The following TRPV1 variants were observed in gnomAD, a reference collection of about 807,000 sequenced individuals.
TRPV1 encodes the protein transient receptor potential cation channel subfamily V member 1.
Under a neutral mutation model 82.3 loss-of-function variants are expected in TRPV1, and 82 were observed. The observed-to-expected ratio is 1.00, with a 90% confidence interval of 0.83 to 1.20. The LOEUF is 1.20. Ranked by LOEUF, TRPV1 falls within the 50% of genes most tolerant of loss-of-function variation. The pLI is 0.00. For synonymous variants in TRPV1, 515 were observed against 467.7 expected (o/e 1.10, Z -1.30); for missense variants, 1,067 against 1,096.8 (o/e 0.97, Z 0.38).
At chr17:3,605,785 G>C (rs1483480129) in intron 2 of TRPV1, among the ~76,000 whole-genome samples, 1 of 152,014 alleles carries the variant, frequency 6.6e-6, no homozygotes, top group Non-Finnish European at 1.5e-5. Context: ...ATTCAACGGG[G>C]GGCAGTCTCT....
chr17:3,578,100 C>T (rs879612627), intron 11 of TRPV1: 12 of 184,818 alleles, frequency 6.5e-5, no homozygotes, highest in Non-Finnish European at 1.2e-4. Context: ...GTCAGGAGTT[C>T]GAGGCCAGCC....
Position 3,572,939 on chromosome 17 carries a change from T to C in TRPV1, c.2104-690A>G, listed in dbSNP as rs967236055. 9.5e-5 allele frequency among the ~76,000 whole-genome samples: 12 copies of C among 126,052 alleles called. 1 individual carries two copies. The highest frequency in any genetic ancestry group is 3.7e-4 in the African/African-American group (12 of 32,338). 82.7% of individuals were successfully genotyped at this position (126,052 alleles called of 152,430 possible). On this transcript the variant is annotated intron_variant, in intron 14 of 16. Coordinates refer to ENST00000572705, the MANE Select transcript of TRPV1 (RefSeq NM_080704.4). ...CAGAGGTTGCAGTCAGCCAAGATCA[T>C]GCCAATGCACTCCAGCCTGGGTGAC...
intron 13 of TRPV1, among the ~76,000 whole-genome samples, chr17:3,575,898 A>G (rs1209176448): frequency 1.3e-5 from 2 of 152,180 alleles, no homozygotes. Context: ...TGAGGTCGCA[A>G]ATGACAAGGA....
chr17:3,567,060 G>C, intron 16 of TRPV1, 73 bp from the exon 17 acceptor site: 9 of 1,547,074 alleles, frequency 5.8e-6, no homozygotes, highest in Non-Finnish European at 7.9e-6. Flanking sequence ...CAAGTCTCCA[G>C]ATAAAAGGAG....
At chr17:3,601,747 C>A (rs1225308765) in intron 2 of TRPV1, 1 of 146,310 alleles carries the variant, frequency 6.8e-6, no homozygotes, top group African/African-American at 2.5e-5. Flanking sequence ...CAGGTGTGCA[C>A]CACCACGCTC....
intron 10 of TRPV1, among the ~76,000 whole-genome samples, chr17:3,582,203 A>AAAAAAAAAAAAT (rs2075029742): frequency 6.9e-6 from 1 of 144,166 alleles, no homozygotes; most frequent in Non-Finnish European, 1.5e-5. Context: ...AAAAAAAAAA[A>AAAAAAAAAAAAT]AAAAAAAAAA....
chr17:3,597,964 G>A (rs368706869), intron 2 of TRPV1, among the ~76,000 whole-genome samples: 12 of 152,262 alleles, frequency 7.9e-5, no homozygotes, highest in Middle Eastern at 3.4e-3. Flanking sequence ...GAGCCACTGC[G>A]CCCGGCCACA....
Position 3,573,533 on chromosome 17 carries a change from C to CCT in TRPV1, c.2103+99_2103+100insAG. On this transcript the variant is annotated intron_variant, in intron 14 of 16. Coordinates refer to ENST00000572705, the MANE Select transcript of TRPV1 (RefSeq NM_080704.4). ...CCCATACCCTCCTGGCCACACACCG[C>CCT]CCCCACCACCCACCCACCTGCAGCC... The CCT allele has an allele frequency of 2.3e-4, 2 of 8,670 alleles. 1 individual carries two copies. The allele number at this position is 8,670 out of a possible 1,614,324, so 0.5% of individuals were successfully genotyped here.
At chr17:3,581,755 C>G (rs189510400) in intron 10 of TRPV1, among the ~76,000 whole-genome samples, 12,404 of 135,570 alleles carry the variant, frequency 0.091, 980 homozygotes, top group East Asian at 0.44. Flanking sequence ...CGCGGTGGCA[C>G]GCACCTGTAG....
chr17:3,580,788 G>A (rs1046658692), intron 10 of TRPV1, among the ~76,000 whole-genome samples: 4 of 152,176 alleles, frequency 2.6e-5, no homozygotes, highest in South Asian at 4.1e-4. Context: ...AGGCCAAGGC[G>A]GGTGGATCAC....
At position 3,566,040 on chromosome 17, in the gene TRPV1, T is replaced by G. The variant is rs991484034; in HGVS notation, c.*775A>C. ...TACAAAAATTAGCCGGGCGTGGTAG[T>G]GCTCACCTGTAATCCAAGCTACTTG... On this transcript the variant is annotated 3_prime_UTR_variant, in exon 17 of 17. Transcript: ENST00000572705. The G allele has an allele frequency of 3.7e-4, 55 of 150,296 alleles. 1 individual carries two copies. Among genetic ancestry groups the G allele is most frequent in the African/African-American group, 1.1e-3 (45 of 40,790 alleles). 9.3% of individuals were successfully genotyped at this position (150,296 alleles called of 1,614,324 possible).
Position 3,590,390 on chromosome 17 carries a change from G to C in TRPV1, c.607C>G (p.Gln203Glu), listed in dbSNP as rs1567670633. The C allele has an allele frequency of 6.2e-7, 1 of 1,613,436 alleles. No homozygotes were observed. Among genetic ancestry groups the C allele is most frequent in the South Asian group, 1.1e-5 (1 of 91,074 alleles). The change falls in exon 6 of 17, where the codon CAG becomes GAG. Residue 203 changes from glutamine to glutamate, a missense_variant and splice_region_variant. Transcript: ENST00000572705. ...ASYTDSYYKG[Q>E]TALHIAIERR... The stretch of plus-strand genomic sequence containing the variant: ...TCGATGGCGATGTGCAGTGCTGTCT[G>C]GCCTACAGAGGACGCGCACGGTTGG...
rs200162101 is a variant in TRPV1 at position 3,589,991 on chromosome 17, G to A, written c.860C>T (p.Thr287Met). 250 of 1,560,720 alleles carry A rather than the reference G, an allele frequency of 1.6e-4. 1 individual carries two copies. In the African/African-American group the frequency reaches 2.7e-3, roughly 17 times the overall value. ...CACCTCCACCAGGGCGTGCAGCACC[G>A]TGTTGCCCACCGAGTCCCTGGCGCT... Reference protein sequence around the residue: ...DISARDSVGNTVLHALVEVAD... With the variant: ...DISARDSVGNMVLHALVEVAD... The change falls in exon 7 of 17, where the codon ACG becomes ATG. Residue 287 changes from threonine (T) to methionine (M), a missense_variant. By Grantham distance (81) the Thr-to-Met change is moderately conservative (BLOSUM62 -1). Transcript: ENST00000572705.
At chr17:3,571,314 C>G (rs903400242) in intron 16 of TRPV1, among the ~76,000 whole-genome samples, 6 of 152,204 alleles carry the variant, frequency 3.9e-5, no homozygotes, top group Admixed American at 2.0e-4. Context: ...AGTGAGCCGT[C>G]AGCCATCAGC....
At chr17:3,601,225 GC>G (rs1233336554) in intron 2 of TRPV1, among the ~76,000 whole-genome samples, 1 of 151,884 alleles carries the variant, frequency 6.6e-6, no homozygotes, top group Non-Finnish European at 1.5e-5. Flanking sequence ...CTACCTGGGA[GC>G]CCCTTCTTCT....
At chr17:3,568,387 A>T (rs2074804338) in intron 16 of TRPV1, among the ~76,000 whole-genome samples, 1 of 152,138 alleles carries the variant, frequency 6.6e-6, no homozygotes, top group African/African-American at 2.4e-5. Context: ...ATCTTTCAAT[A>T]GCTCTCTGGC....
chr17:3,591,332 G>A lies in TRPV1; in HGVS notation c.306C>T (p.Val102=), dbSNP rs766690431. Residue 102 remains valine (V), a synonymous_variant, in exon 4 of 17, where the codon GTC becomes GTT. Transcript: ENST00000572705. The part of the protein sequence containing the change: ...TGARLLSQDS[V]AASTEKTLRL... ...TGAGGGTCTTCTCGGTGCTGGCGGCGACAGAGTCCTGGGACAGCAGCCTGT... is the reference window on the plus strand; with the variant it reads ...TGAGGGTCTTCTCGGTGCTGGCGGCAACAGAGTCCTGGGACAGCAGCCTGT... 1.9e-5 allele frequency: 30 copies of A among 1,592,132 alleles called. No homozygotes were observed. Among genetic ancestry groups the A allele is most frequent in the South Asian group, 1.8e-4 (16 of 89,018 alleles).
chr17:3,574,039 G>C (rs1252937578), intron 13 of TRPV1, 84 bp from the exon 14 acceptor site: 2 of 1,198,368 alleles, frequency 1.7e-6, no homozygotes, highest in South Asian at 1.6e-5. Context: ...TGCTCAGTCA[G>C]TCTCAAATAA....
intron 2 of TRPV1, among the ~76,000 whole-genome samples, chr17:3,607,189 C>G (rs754597913): frequency 6.6e-6 from 1 of 151,976 alleles, no homozygotes; most frequent in African/African-American, 2.4e-5. Context: ...ACTAAAAATA[C>G]AAAAATTAGC....
Sources: gnomAD v4.1 joint callset for allele counts (sites outside exome capture counted in the v4.1 genomes callset) on GRCh38, gnomAD v4.1.1 for gene constraint, MANE v1.5 for transcripts, NCBI Gene and HGNC (gene_info 2026-07-23, HGNC 2026-07-21) for gene names.